Variants in PEBP4 observed in about 807,000 individuals in gnomAD.
PEBP4 encodes phosphatidylethanolamine-binding protein 4.
A neutral mutation model predicts 23.9 loss-of-function variants in PEBP4; 22 were observed. The ratio of observed to expected loss-of-function variants is 0.92; its 90% CI spans 0.66 to 1.31. The LOEUF is 1.31. PEBP4 is among the 40% of genes most tolerant of loss of function. The pLI is 0.00. For synonymous variants in PEBP4, 112 were observed against 99.3 expected (o/e 1.13, Z -0.76); for missense variants, 324 against 281.7 (o/e 1.15, Z -1.07).
chr8:22,842,952 T>C (rs1270324354), intron 3 of PEBP4, among the ~76,000 whole-genome samples: 2 of 152,170 alleles, frequency 1.3e-5, no homozygotes, highest in Non-Finnish European at 2.9e-5. Flanking sequence ...CTCAGCCTCC[T>C]GAGTAGCTGT....
intron 2 of PEBP4, among the ~76,000 whole-genome samples, chr8:22,923,465 G>A (rs1809254634): frequency 6.6e-6 from 1 of 152,132 alleles, no homozygotes; most frequent in South Asian, 2.1e-4. Context: ...TATATGGGAG[G>A]CTGAGGTGGG....
chr8:22,720,722 A>G (rs972353200), intron 6 of PEBP4, among the ~76,000 whole-genome samples: 6 of 152,146 alleles, frequency 3.9e-5, no homozygotes, highest in African/African-American at 1.4e-4. Context: ...TTTAGATTTC[A>G]GGGGTCTCTC....
chr8:22,807,312 A>T (rs150891062), intron 4 of PEBP4, among the ~76,000 whole-genome samples: 51 of 152,284 alleles, frequency 3.3e-4, no homozygotes, highest in African/African-American at 1.2e-3. Context: ...GGAGAACACG[A>T]GGGTTGTGGG....
At chr8:22,903,496 C>A (rs1164940955) in intron 3 of PEBP4, among the ~76,000 whole-genome samples, 1 of 152,160 alleles carries the variant, frequency 6.6e-6, no homozygotes, top group Non-Finnish European at 1.5e-5. Flanking sequence ...TGGAGTCTCT[C>A]TCCTCACCCC....
chr8:22,845,170 C>G lies in PEBP4; in HGVS notation c.259-27435G>C, dbSNP rs185299252. On this transcript the variant is annotated intron_variant, in intron 3 of 6. Transcript: ENST00000256404. ...TCCTTGAAGGATGAAGGAAGACTTT[C>G]CAACAGTCAGCGCTGAGCAGCTCTG... Among the ~76,000 whole-genome samples the G allele has an allele frequency of 2.1e-3, 325 of 152,256 alleles. 6 individuals carry two copies. The highest frequency in any genetic ancestry group is 0.019 in the Admixed American group (293 of 15,296).
intron 3 of PEBP4, among the ~76,000 whole-genome samples, chr8:22,903,256 T>C (rs930837028): frequency 6.6e-6 from 1 of 152,238 alleles, no homozygotes; most frequent in Non-Finnish European, 1.5e-5. Flanking sequence ...TCATCACTCA[T>C]GAACTGTGTG....
chr8:22,906,231 G>A (rs1051180103), intron 3 of PEBP4, among the ~76,000 whole-genome samples: 2 of 152,102 alleles, frequency 1.3e-5, no homozygotes, highest in African/African-American at 4.8e-5. Context: ...ACACTGTCCA[G>A]GCAGAGGACA....
chr8:22,938,010 T>C (rs902299591), intron 1 of PEBP4, among the ~76,000 whole-genome samples: 2 of 152,132 alleles, frequency 1.3e-5, no homozygotes, highest in Non-Finnish European at 2.9e-5. Flanking sequence ...AAAATCTTCA[T>C]GACATTGGAT....
At chr8:22,852,929 G>A (rs896664479) in intron 3 of PEBP4, among the ~76,000 whole-genome samples, 3 of 152,192 alleles carry the variant, frequency 2.0e-5, no homozygotes, top group African/African-American at 4.8e-5. Context: ...CTGGAGCAAG[G>A]CCTCTAAAAA....
intron 3 of PEBP4, among the ~76,000 whole-genome samples, chr8:22,898,444 A>C: frequency 7.2e-6 from 1 of 138,640 alleles, no homozygotes; most frequent in African/African-American, 2.6e-5. Context: ...CACCCAGTCT[A>C]TGGTATTTTG....
intron 3 of PEBP4, among the ~76,000 whole-genome samples, chr8:22,913,521 G>A (rs1808993180): frequency 1.3e-5 from 2 of 152,046 alleles, no homozygotes; most frequent in Admixed American, 6.5e-5. Flanking sequence ...CCCAGGGCCA[G>A]CATAGGGCAG....
At chr8:22,724,216 C>T (rs1234071214) in intron 6 of PEBP4, among the ~76,000 whole-genome samples, 1 of 152,150 alleles carries the variant, frequency 6.6e-6, no homozygotes, top group African/African-American at 2.4e-5. Context: ...GCTGCAGTGG[C>T]CAAGTGGCCA....
At chr8:22,855,717 A>T (rs893316683) in intron 3 of PEBP4, among the ~76,000 whole-genome samples, 1 of 152,234 alleles carries the variant, frequency 6.6e-6, no homozygotes, top group African/African-American at 2.4e-5. Context: ...GCAAAAAGGT[A>T]CAATTTCTCT....
chr8:22,833,851 G>T (rs1807143032), intron 3 of PEBP4, among the ~76,000 whole-genome samples: 2 of 152,204 alleles, frequency 1.3e-5, no homozygotes, highest in Admixed American at 1.3e-4. Context: ...TGGGGCCCAG[G>T]TGTTGCTGTT....
At chr8:22,728,543 C>CCTTTCTTTCTTT (rs142257916) in intron 4 of PEBP4, among the ~76,000 whole-genome samples, 51 of 115,432 alleles carry the variant, frequency 4.4e-4, no homozygotes, top group South Asian at 3.3e-3. Context: ...TTTCTTCCTT[C>CCTTTCTTTCTTT]CTTTCTTTCT....
intron 3 of PEBP4, among the ~76,000 whole-genome samples, chr8:22,912,651 C>T (rs1370385241): frequency 6.6e-6 from 1 of 152,194 alleles, no homozygotes; most frequent in Non-Finnish European, 1.5e-5. Flanking sequence ...GAGGATCTGT[C>T]CTGTGAAGTC....
chr8:22,789,598 A>G (rs1377035282), intron 4 of PEBP4, among the ~76,000 whole-genome samples: 1 of 152,160 alleles, frequency 6.6e-6, no homozygotes, highest in African/African-American at 2.4e-5. Flanking sequence ...GCCACAGGAA[A>G]GTACCTGGGC....
chr8:22,863,858 T>A (rs1043479266), intron 3 of PEBP4, among the ~76,000 whole-genome samples: 1 of 152,344 alleles, frequency 6.6e-6, no homozygotes, highest in African/African-American at 2.4e-5. Context: ...TGTGTCACTC[T>A]GGATCTCCAG....
chr8:22,718,918 C>T (rs1044238421), intron 6 of PEBP4, among the ~76,000 whole-genome samples: 2 of 152,318 alleles, frequency 1.3e-5, no homozygotes, highest in Middle Eastern at 3.4e-3. Flanking sequence ...AGCCTCATCC[C>T]TCTGCAGCAA....
Sources: gnomAD v4.1 joint callset for allele counts (sites outside exome capture counted in the v4.1 genomes callset) on GRCh38, gnomAD v4.1.1 for gene constraint, MANE v1.5 for transcripts, NCBI Gene and HGNC (gene_info 2026-07-23, HGNC 2026-07-21) for gene names.